The following DNMT3A variants were observed in gnomAD, a reference collection of about 807,000 sequenced individuals.
The protein encoded by DNMT3A is DNA (cytosine-5)-methyltransferase 3A.
In DNMT3A, 267 loss-of-function variants were observed where a neutral mutation model predicts 117.6. The ratio of observed to expected loss-of-function variants is 2.27; its 90% CI spans 2.05 to 2.51. The LOEUF (loss-of-function observed/expected upper bound fraction) is 2.51, where lower values mean the gene tolerates loss of function less well. Ranked by LOEUF, DNMT3A falls within the 30% of genes most tolerant of loss-of-function variation. DNMT3A has a pLI of 0.00. For missense variants in DNMT3A, 1,029 were observed against 1,260.2 expected, an observed-to-expected ratio of 0.82 and a Z score of 2.78; for synonymous variants, 432 against 474.8, an observed-to-expected ratio of 0.91 and a Z score of 1.17.
chr2:25,242,236 C>T (rs1181722197), intron 16 of DNMT3A, among the ~76,000 whole-genome samples: 1 of 152,070 alleles, frequency 6.6e-6, no homozygotes, highest in Non-Finnish European at 1.5e-5. Context: ...CCATTCCTCA[C>T]TCAGCCCTCT....
In DNMT3A at chr2:25,240,710, G is replaced by A. The variant is rs774885118; in HGVS notation, c.2103C>T (p.Phe701=). Residue 701 remains phenylalanine (F), a synonymous_variant, in exon 18 of 23, where the codon TTC becomes TTT. Coordinates refer to ENST00000321117, the MANE Select transcript of DNMT3A (RefSeq NM_022552.5). ...AGGGACTGCCCCCAATCACCAGATC[G>A]AATGGGCCCCACTCCTGGATCTGGG... The part of the protein sequence containing the change: ...TQKHIQEWGP[F]DLVIGGSPCN... 6.8e-6 allele frequency: 11 copies of A among 1,614,072 alleles called. No individual in the cohort carries two copies. The highest frequency in any genetic ancestry group is 1.7e-5 in the Admixed American group (1 of 60,000).
At chr2:25,284,683 CA>C (rs11463858) in intron 3 of DNMT3A, among the ~76,000 whole-genome samples, 1,330 of 61,884 alleles carry the variant, frequency 0.021, 9 homozygotes, top group East Asian at 0.043. Flanking sequence ...AAAGACTATA[CA>C]AAAAAAAAAA....
At position 25,287,864 on chromosome 2, in the gene DNMT3A, C is replaced by T. The variant is rs538260012; in HGVS notation, c.178-5153G>A. On this transcript the variant is annotated intron_variant, in intron 3 of 22. Coordinates refer to ENST00000321117, the MANE Select transcript of DNMT3A (RefSeq NM_022552.5). ...CTTTTTTTTTTTTGAGATGGAGTTT[C>T]GCTCTTGTTGCCCAGTCTGGAGCAC... Among the ~76,000 whole-genome samples, 8 of 151,086 alleles carry T rather than the reference C, an allele frequency of 5.3e-5. 1 individual carries two copies. The highest frequency in any genetic ancestry group is 4.2e-4 in the South Asian group (2 of 4,762).
chr2:25,313,896 C>A lies in DNMT3A; in HGVS notation c.72+17G>T. 1 of 1,549,080 alleles carries A rather than the reference C, an allele frequency of 6.5e-7. No homozygotes were observed. Among genetic ancestry groups the A allele is most frequent in the Non-Finnish European group, 8.7e-7 (1 of 1,146,794 alleles). Reference sequence around the variant, plus strand: ...CTCTCCCAGGCCAGAGGGTCCCCAGCAGAGCCCGCTGCTCACCTTTCGGTC... The same window carrying A: ...CTCTCCCAGGCCAGAGGGTCCCCAGAAGAGCCCGCTGCTCACCTTTCGGTC... On this transcript the variant is annotated intron_variant, in intron 2 of 22. Coordinates refer to ENST00000321117, the MANE Select transcript of DNMT3A (RefSeq NM_022552.5).
chr2:25,314,005 T>TGGGGCTGCGCGGGGCTGG lies in DNMT3A; in HGVS notation c.-39_-22dup. 1 of 1,533,452 alleles carries TGGGGCTGCGCGGGGCTGG rather than the reference T, an allele frequency of 6.5e-7. No individual in the cohort carries two copies. The highest frequency in any genetic ancestry group is 8.8e-7 in the Non-Finnish European group (1 of 1,138,648). The allele number at this position is 1,533,452 out of a possible 1,614,324, so 95.0% of individuals were successfully genotyped here. The stretch of plus-strand genomic sequence containing the variant: ...GGCATCTGGGCGCCGGGAGGCAGGC[T>TGGGGCTGCGCGGGGCTGG]GGGGCTGCGCGGGGCTGGGGGGCTG... On this transcript the variant is annotated 5_prime_UTR_variant, in exon 2 of 23. Transcript: ENST00000321117.
chr2:25,332,126 C>T (rs959206852), intron 1 of DNMT3A, among the ~76,000 whole-genome samples: 10 of 152,194 alleles, frequency 6.6e-5, no homozygotes, highest in South Asian at 2.1e-4. Flanking sequence ...CCCTATTGCC[C>T]GAGCTCTCGT....
At chr2:25,243,751 C>CAAA (rs1277275213) in intron 16 of DNMT3A, 147 bp downstream of exon 16, 2 of 936,078 alleles carry the variant, frequency 2.1e-6, no homozygotes, top group African/African-American at 3.3e-5. Context: ...GCATACGTTT[C>CAAA]CACTTCACAC....
intron 1 of DNMT3A, among the ~76,000 whole-genome samples, chr2:25,340,463 C>A (rs1230674661): frequency 6.6e-6 from 1 of 151,978 alleles, no homozygotes; most frequent in African/African-American, 2.4e-5. Flanking sequence ...CGATGAGGGG[C>A]TGGGGGAGGC....
chr2:25,240,858 T>C, intron 17 of DNMT3A, 128 bp from the exon 18 acceptor site: 1 of 865,414 alleles, frequency 1.2e-6, no homozygotes, highest in Middle Eastern at 2.3e-4. Context: ...CCAGCTGCTC[T>C]GCAGGCTCAC....
At chr2:25,333,398 C>T (rs879688400) in intron 1 of DNMT3A, among the ~76,000 whole-genome samples, 9 of 151,754 alleles carry the variant, frequency 5.9e-5, no homozygotes, top group Non-Finnish European at 1.2e-4. Flanking sequence ...GGCGCGATCT[C>T]GGCTCACTGC....
rs1673172669 is a variant in DNMT3A, at chr2:25,234,836, G to A, written c.2598-416C>T. ...TGCATGTAACGAACACGTAGCCCTA[G>A]CATCCTCCCCATCAAGAGCAGGGAA... On this transcript the variant is annotated intron_variant, in intron 22 of 22. Transcript: ENST00000321117. The surrounding 1 kb of genome is among the most constrained non-coding windows in gnomAD (Gnocchi z 4.5). Among the ~76,000 whole-genome samples the A allele has an allele frequency of 6.6e-6, 1 of 152,154 alleles. No individual in the cohort carries two copies. The highest frequency in any genetic ancestry group is 6.5e-5 in the Admixed American group (1 of 15,280).
rs542320216 is a variant in DNMT3A, at chr2:25,314,751, G to A, written c.-177-590C>T. ...CTAGGAGGGAGAGGCCACGGCCACG[G>A]CCAAGGCCACAGGCCACGGCCACAC... On this transcript the variant is annotated intron_variant, in intron 1 of 22. Transcript: ENST00000321117. The A allele has an allele frequency of 4.1e-6, 4 of 976,916 alleles. No individual in the cohort carries two copies. The African/African-American group carries it at 7.0e-5, about 17-fold the overall frequency. The allele number at this position is 976,916 out of a possible 1,614,324, so 60.5% of individuals were successfully genotyped here.
intron 6 of DNMT3A, among the ~76,000 whole-genome samples, chr2:25,261,421 AGAGT>A (rs1347190053): frequency 1.9e-3 from 264 of 137,506 alleles, no homozygotes; most frequent in Admixed American, 5.9e-3. Context: ...CCTGGGTGAC[AGAGT>A]GAGACTCTGT....
At chr2:25,250,763 C>A (rs1675424401) in intron 6 of DNMT3A, among the ~76,000 whole-genome samples, 1 of 152,222 alleles carries the variant, frequency 6.6e-6, no homozygotes, top group African/African-American at 2.4e-5. Flanking sequence ...GATCCAAAGA[C>A]CCCGTTTCCA....
In DNMT3A at chr2:25,281,529, C is replaced by G; in HGVS notation, c.448+912G>C. 1 of 1,059,524 alleles carries G rather than the reference C, an allele frequency of 9.4e-7. No individual in the cohort carries two copies. Among genetic ancestry groups the G allele is most frequent in the East Asian group, 5.1e-5 (1 of 19,432 alleles). 65.6% of individuals were successfully genotyped at this position (1,059,524 alleles called of 1,614,324 possible). Reference sequence around the variant, plus strand: ...GGTTGGATCCATGCAAAATAAGTTACGCCAATTAATCAATTTACTCATTTC... The same window carrying G: ...GGTTGGATCCATGCAAAATAAGTTAGGCCAATTAATCAATTTACTCATTTC... On this transcript the variant is annotated intron_variant, in intron 4 of 22. Coordinates refer to ENST00000321117, the MANE Select transcript of DNMT3A (RefSeq NM_022552.5). This position sits in a 1 kb window ranked among gnomAD's most constrained non-coding sequence, Gnocchi z 4.8.
At chr2:25,249,657 C>T (rs200521757) in intron 6 of DNMT3A, 332 of 1,614,218 alleles carry the variant, frequency 2.1e-4, no homozygotes, top group East Asian at 1.1e-4. Flanking sequence ...ATCCTTTCAC[C>T]GTATCACACT....
chr2:25,272,398 G>A (rs1312835065), intron 6 of DNMT3A, among the ~76,000 whole-genome samples: 2 of 152,166 alleles, frequency 1.3e-5, no homozygotes, highest in Non-Finnish European at 2.9e-5. Context: ...GTAACTGAGG[G>A]CAGGCCTCCA....
chr2:25,265,774 A>G (rs1162231451), intron 6 of DNMT3A, among the ~76,000 whole-genome samples: 2 of 151,786 alleles, frequency 1.3e-5, no homozygotes, highest in African/African-American at 2.4e-5. Flanking sequence ...AGCTGAGATC[A>G]TGCCACTGCA....
chr2:25,319,485 G>C (rs55893683), intron 1 of DNMT3A, among the ~76,000 whole-genome samples: 1 of 152,104 alleles, frequency 6.6e-6, no homozygotes, highest in East Asian at 1.9e-4. Flanking sequence ...GAGGCCTCAC[G>C]CTCCTTTCCC....
Sources: gnomAD v4.1 joint callset for allele counts (sites outside exome capture counted in the v4.1 genomes callset) on GRCh38, gnomAD v4.1.1 for gene constraint, Gnocchi (gnomAD v3.1) non-coding constraint, MANE v1.5 for transcripts, NCBI Gene and HGNC (gene_info 2026-07-23, HGNC 2026-07-21) for gene names.